The following LGALS3 variants were observed in gnomAD, a reference collection of about 807,000 sequenced individuals.
LGALS3 encodes galectin 3.
Under a neutral mutation model 20.7 loss-of-function variants are expected in LGALS3, and 18 were observed. That is an observed-to-expected ratio of 0.87 (90% CI 0.60 to 1.29). LGALS3 has a LOEUF of 1.29. Among genes scored for constraint, LGALS3 ranks in the 50% most tolerant of loss-of-function variants. LGALS3 has a pLI of 0.00. For synonymous variants in LGALS3, 112 were observed against 119.6 expected (o/e 0.94, Z 0.42); for missense variants, 315 against 314.7 (o/e 1.00, Z -0.01).
Position 55,145,300 on chromosome 14 carries a change from AAG to A in LGALS3, c.*31_*32del. On this transcript the variant is annotated 3_prime_UTR_variant, in exon 6 of 6. Transcript: ENST00000254301. Reference sequence around the variant, plus strand: ...GAAAGGGGCAGATTAAAAAAAAAAAAAGAATCTAAACCTTACATGTGTAAAGG... The same window carrying A: ...GAAAGGGGCAGATTAAAAAAAAAAAAAATCTAAACCTTACATGTGTAAAGG... The A allele has an allele frequency of 1.2e-6, 2 of 1,606,734 alleles. No homozygotes were observed. The highest frequency in any genetic ancestry group is 1.7e-5 in the Admixed American group (1 of 59,102).
Position 55,140,351 on chromosome 14 carries a change from C to T in LGALS3, c.419C>T (p.Pro140Leu), listed in dbSNP as rs1311326836. ...ATAACAATTCTGGGCACGGTGAAGC[C>T]CAATGCAAACAGGTAAGGAGAGCAA... ...MLITILGTVK[P>L]NANRIALDFQ... The change falls in exon 4 of 6, where the codon CCC (proline) becomes CTC (leucine). Residue 140 changes from proline (P) to leucine (L), a missense_variant. By Grantham distance (98) the Pro-to-Leu change is moderately conservative. Coordinates refer to ENST00000254301, the MANE Select transcript of LGALS3 (RefSeq NM_002306.4). The T allele has an allele frequency of 6.2e-6, 10 of 1,610,946 alleles. No individual in the cohort carries two copies. The highest frequency in any genetic ancestry group is 8.5e-6 in the Non-Finnish European group (10 of 1,177,782).
Position 55,137,444 on chromosome 14 carries a change from G to C in LGALS3, c.18+53G>C, listed in dbSNP as rs534656865. ...CTTGATCAGCTCCACATGGTTGAGGGTTGGGGGTTTTGTTTTTACCATGAC... is the reference window on the plus strand; with the variant it reads ...CTTGATCAGCTCCACATGGTTGAGGCTTGGGGGTTTTGTTTTTACCATGAC... On this transcript the variant is annotated intron_variant, in intron 2 of 5. Transcript: ENST00000254301. 17 of 1,614,124 alleles carry C rather than the reference G, an allele frequency of 1.1e-5. No homozygotes were observed. In the East Asian group the frequency reaches 3.3e-4, roughly 32 times the overall value.
intron 1 of LGALS3, among the ~76,000 whole-genome samples, chr14:55,136,312 GA>G (rs796947744): frequency 1.6e-4 from 23 of 144,742 alleles, no homozygotes; most frequent in Admixed American, 2.8e-4. Flanking sequence ...AAGTACCTTT[GA>G]AAAAAAAAAA....
intron 4 of LGALS3, among the ~76,000 whole-genome samples, chr14:55,141,470 A>G (rs1881621158): frequency 6.6e-6 from 1 of 152,176 alleles, no homozygotes; most frequent in Non-Finnish European, 1.5e-5. Context: ...CCTAACGCAC[A>G]CTGAATACCC....
At chr14:55,143,062 C>T (rs1012474404) in intron 5 of LGALS3, among the ~76,000 whole-genome samples, 2 of 152,146 alleles carry the variant, frequency 1.3e-5, no homozygotes, top group Admixed American at 6.5e-5. Context: ...AGTTATACTG[C>T]GACTTTGTTG....
At chr14:55,137,689 A>G (rs1204160621) in intron 2 of LGALS3, 1 of 1,393,692 alleles carries the variant, frequency 7.2e-7, no homozygotes, top group Non-Finnish European at 9.3e-7. Context: ...AGTAGCGGGA[A>G]GTGCGGTACA....
Position 55,140,382 on chromosome 14 carries a change from A to G in LGALS3, c.431+19A>G, listed in dbSNP as rs1417153819. 6.6e-7 allele frequency: 1 copy of G among 1,512,438 alleles called. No individual in the cohort carries two copies. The highest frequency in any genetic ancestry group is 1.7e-5 in the Admixed American group (1 of 58,318). The allele number at this position is 1,512,438 out of a possible 1,614,324, so 93.7% of individuals were successfully genotyped here. On this transcript the variant is annotated intron_variant, in intron 4 of 5. Coordinates refer to ENST00000254301, the MANE Select transcript of LGALS3 (RefSeq NM_002306.4). ...CAAACAGGTAAGGAGAGCAAAATTAACAAGTCTACTCTATTTGTAGATTGG... is the reference window on the plus strand; with the variant it reads ...CAAACAGGTAAGGAGAGCAAAATTAGCAAGTCTACTCTATTTGTAGATTGG...
chr14:55,137,685 G>T, intron 2 of LGALS3: 1 of 1,404,694 alleles, frequency 7.1e-7, no homozygotes, highest in Non-Finnish European at 9.2e-7. Context: ...TCTGAGTAGC[G>T]GGAAGTGCGG....
chr14:55,137,758 A>AT, intron 2 of LGALS3: 2 of 1,334,654 alleles, frequency 1.5e-6, no homozygotes, highest in Non-Finnish European at 1.9e-6. Context: ...AGTATGTGCT[A>AT]TAAGTAGAGG....
chr14:55,145,359 A>G lies in LGALS3; in HGVS notation c.*88A>G, dbSNP rs1881784939. ...GTTCACTGTGAGTGAAAATTTTTAC[A>G]TTCATCAATATCCCTCTTGTAAGTC... On this transcript the variant is annotated 3_prime_UTR_variant, in exon 6 of 6. Transcript: ENST00000254301. 2 of 1,580,186 alleles carry G rather than the reference A, an allele frequency of 1.3e-6. No homozygotes were observed. The highest frequency in any genetic ancestry group is 1.7e-6 in the Non-Finnish European group (2 of 1,163,820).
intron 2 of LGALS3, 148 bp downstream of exon 2, chr14:55,137,539 G>C: frequency 6.4e-7 from 1 of 1,568,320 alleles, no homozygotes; most frequent in Admixed American, 1.9e-5. Context: ...TTGCAAGCTG[G>C]AGCCTTGTTT....
intron 4 of LGALS3, among the ~76,000 whole-genome samples, chr14:55,142,234 G>A (rs1881648417): frequency 6.6e-6 from 1 of 152,160 alleles, no homozygotes; most frequent in African/African-American, 2.4e-5. Flanking sequence ...TCTATAGTAA[G>A]GGATAAAGTG....
chr14:55,140,070 T>C (rs1036269955), intron 3 of LGALS3, among the ~76,000 whole-genome samples: 2 of 126,872 alleles, frequency 1.6e-5, no homozygotes, highest in African/African-American at 3.5e-5. Context: ...GATTTACTGA[T>C]GGCTTTCTTT....
At chr14:55,139,496 C>A (rs530376530) in intron 3 of LGALS3, among the ~76,000 whole-genome samples, 1 of 152,282 alleles carries the variant, frequency 6.6e-6, no homozygotes, top group African/African-American at 2.4e-5. Context: ...TGTGGTGGCT[C>A]ATGCCTGTAA....
At chr14:55,143,502 A>C (rs1025613196) in intron 5 of LGALS3, 8 of 305,998 alleles carry the variant, frequency 2.6e-5, no homozygotes, top group Non-Finnish European at 5.2e-5. Flanking sequence ...GCTCACTACA[A>C]CCTCCGCCTC....
At chr14:55,142,228 T>C (rs887591392) in intron 4 of LGALS3, among the ~76,000 whole-genome samples, 8 of 152,270 alleles carry the variant, frequency 5.3e-5, no homozygotes, top group African/African-American at 1.9e-4. Flanking sequence ...CCATTATCTA[T>C]AGTAAGGGAT....
chr14:55,145,080 T>C (rs1881766150), intron 5 of LGALS3, 36 bp from the exon 6 acceptor site: 3 of 1,563,796 alleles, frequency 1.9e-6, no homozygotes, highest in African/African-American at 1.4e-5. Flanking sequence ...ACATATGCAT[T>C]ACCTCATGTA....
chr14:55,142,188 A>AAGCAAACTGGAAGAGC (rs1441046213), intron 4 of LGALS3, among the ~76,000 whole-genome samples: 2 of 152,212 alleles, frequency 1.3e-5, no homozygotes, highest in African/African-American at 4.8e-5. Flanking sequence ...CAGGTATTGA[A>AAGCAAACTGGAAGAGC]AGCAAACTGG....
chr14:55,138,469 C>A, intron 3 of LGALS3, 101 bp downstream of exon 3: 1 of 1,248,728 alleles, frequency 8.0e-7, no homozygotes, highest in Non-Finnish European at 1.2e-6. Context: ...CAAGGGCCAG[C>A]CATGGGTGTA....
Sources: allele counts gnomAD v4.1 joint callset (sites outside exome capture counted in the v4.1 genomes callset), GRCh38; gene constraint gnomAD v4.1.1; transcripts MANE v1.5; gene names NCBI Gene and HGNC (gene_info 2026-07-23, HGNC 2026-07-21).